The following KIDINS220 variants were observed in gnomAD, a reference collection of about 807,000 sequenced individuals.
KIDINS220 encodes the protein kinase D interacting substrate 220, also known as kinase D-interacting substrate of 220 kDa.
KIDINS220 carries 63 observed loss-of-function variants against 157.6 expected under a neutral mutation model. That is an observed-to-expected ratio of 0.40 (90% CI 0.33 to 0.49). The LOEUF (loss-of-function observed/expected upper bound fraction) is 0.49. Among genes scored for constraint, KIDINS220 ranks in the 20% least tolerant of loss-of-function variants. KIDINS220 has a pLI of 0.66. For missense variants in KIDINS220, 1,772 were observed against 2,171.2 expected (o/e 0.82, Z 3.65); for synonymous variants, 732 against 783.6 (o/e 0.93, Z 1.10).
intron 1 of KIDINS220, among the ~76,000 whole-genome samples, chr2:8,837,195 A>G (rs987341389): frequency 3.3e-5 from 5 of 151,958 alleles, no homozygotes; most frequent in African/African-American, 1.2e-4. Context: ...CTTCACCCCA[A>G]CCCACCCGAG....
At chr2:8,829,315 G>C (rs539820576) in intron 1 of KIDINS220, among the ~76,000 whole-genome samples, 14 of 152,276 alleles carry the variant, frequency 9.2e-5, no homozygotes, top group African/African-American at 3.4e-4. Context: ...TACATGTAAA[G>C]TATAAATCAG....
At chr2:8,763,195 G>A (rs75869856) in intron 22 of KIDINS220, among the ~76,000 whole-genome samples, 226 of 152,302 alleles carry the variant, frequency 1.5e-3, no homozygotes, top group African/African-American at 5.0e-3. Flanking sequence ...ACAGGCTCCT[G>A]GCCCCAAGAA....
chr2:8,778,820 G>A (rs1572619936), intron 19 of KIDINS220, 76 bp downstream of exon 19: 1 of 1,595,006 alleles, frequency 6.3e-7, no homozygotes, highest in East Asian at 2.2e-5. Context: ...TATTTTTCAA[G>A]GTAAAAAGGA....
chr2:8,763,998 C>T (rs902620564), intron 22 of KIDINS220, among the ~76,000 whole-genome samples: 3 of 152,164 alleles, frequency 2.0e-5, no homozygotes, highest in African/African-American at 7.2e-5. Flanking sequence ...AACCTAAGTA[C>T]CCACTGACTA....
intron 2 of KIDINS220, chr2:8,825,627 C>T (rs1431679581): frequency 1.3e-5 from 2 of 152,036 alleles, no homozygotes; most frequent in Non-Finnish European, 2.9e-5. Flanking sequence ...AAAACCACTC[C>T]TTATTCATCT....
At chr2:8,722,312 T>A (rs536163138), downstream of KIDINS220, 37 of 152,350 alleles carry the variant, frequency 2.4e-4, no homozygotes, top group African/African-American at 8.9e-4. Context: ...TCAGCAGAGT[T>A]AGACTGCAGA....
At chr2:8,777,955 AAAGT>A (rs1172720441) in intron 20 of KIDINS220, among the ~76,000 whole-genome samples, 1 of 152,226 alleles carries the variant, frequency 6.6e-6, no homozygotes, top group African/African-American at 2.4e-5. Flanking sequence ...ATTTTTTTAA[AAAGT>A]AAGACATCCA....
chr2:8,763,446 G>A (rs1669041010), intron 22 of KIDINS220, among the ~76,000 whole-genome samples: 1 of 152,094 alleles, frequency 6.6e-6, no homozygotes, highest in South Asian at 2.1e-4. Context: ...TCAGATTTGG[G>A]GGCATTTCAG....
In KIDINS220 at chr2:8,785,962, T is replaced by C; in HGVS notation, c.2008A>G (p.Ile670Val). ...GCCAGAAGAGTAATTCCAGATATAATGCAGCCAATGATAAAAAGGAAGATG... is the reference window on the plus strand; with the variant it reads ...GCCAGAAGAGTAATTCCAGATATAACGCAGCCAATGATAAAAAGGAAGATG... ...FVIFLFIIGCIISGITLLAIF... is the reference protein window; with the variant it reads ...FVIFLFIIGCVISGITLLAIF... The change falls in exon 17 of 30, where the codon ATT becomes GTT. Residue 670 changes from isoleucine (I) to valine (V), a missense_variant. Physicochemically the swap from Ile to Val is conservative, Grantham distance 29. Coordinates refer to ENST00000256707, the MANE Select transcript of KIDINS220 (RefSeq NM_020738.4). The C allele has an allele frequency of 6.2e-7, 1 of 1,613,238 alleles. No homozygotes were observed. Among genetic ancestry groups the C allele is most frequent in the African/African-American group, 1.3e-5 (1 of 75,014 alleles).
At chr2:8,744,401 A>AATATAT (rs1474558259) in intron 26 of KIDINS220, among the ~76,000 whole-genome samples, 5 of 7,010 alleles carry the variant, frequency 7.1e-4, no homozygotes, top group East Asian at 0.01. Flanking sequence ...ATATATATAT[A>AATATAT]ATATATATAT....
Position 8,731,994 on chromosome 2 carries a change from GA to G in KIDINS220, c.4054-13del. On this transcript the variant is annotated splice_polypyrimidine_tract_variant and intron_variant, in intron 29 of 29. Transcript: ENST00000256707. This position sits in a 1 kb window ranked among gnomAD's most constrained non-coding sequence, Gnocchi z 5.2. ...CTGCGAGTTTGTGACTGTGAAGACAGAAAAAAAATAATTTAAAAATTCAAAT... is the reference window on the plus strand; with the variant it reads ...CTGCGAGTTTGTGACTGTGAAGACAGAAAAAAATAATTTAAAAATTCAAAT... The G allele has an allele frequency of 3.3e-6, 5 of 1,503,026 alleles. No homozygotes were observed. The highest frequency in any genetic ancestry group is 2.4e-5 in the East Asian group (1 of 42,168). The allele number at this position is 1,503,026 out of a possible 1,614,324, so 93.1% of individuals were successfully genotyped here. A position where few individuals can be genotyped will look rare whatever the true frequency, so the allele number is the denominator to read the frequency against.
chr2:8,750,385 G>C (rs745959854), intron 23 of KIDINS220, 50 bp from the exon 24 acceptor site: 2 of 1,292,626 alleles, frequency 1.5e-6, no homozygotes, highest in African/African-American at 1.5e-5. Flanking sequence ...AGGACATTAG[G>C]AATCAGTCCA....
chr2:8,826,428 G>A (rs1370098607), intron 2 of KIDINS220, among the ~76,000 whole-genome samples: 1 of 152,100 alleles, frequency 6.6e-6, no homozygotes, highest in Non-Finnish European at 1.5e-5. Flanking sequence ...GGCCAACATG[G>A]AGAAACCCTG....
chr2:8,800,316 A>T, intron 9 of KIDINS220, 84 bp downstream of exon 9: 1 of 780,912 alleles, frequency 1.3e-6, no homozygotes, highest in Admixed American at 2.5e-5. Context: ...CTCCATAGGA[A>T]AGTGGGAAGA....
chr2:8,812,371 C>T (rs376635384), intron 6 of KIDINS220, 24 bp downstream of exon 6: 1 of 1,384,320 alleles, frequency 7.2e-7, no homozygotes. Flanking sequence ...TGGACTGGAA[C>T]CTGAAAAGAT....
At chr2:8,803,982 A>C (rs1675083468) in intron 7 of KIDINS220, among the ~76,000 whole-genome samples, 1 of 152,244 alleles carries the variant, frequency 6.6e-6, no homozygotes, top group Non-Finnish European at 1.5e-5. Flanking sequence ...TCAGCCCCCA[A>C]AATTGAGCTG....
chr2:8,810,835 T>A (rs977461332), intron 6 of KIDINS220, among the ~76,000 whole-genome samples: 18 of 152,258 alleles, frequency 1.2e-4, no homozygotes, highest in African/African-American at 4.3e-4. Flanking sequence ...ATTTTAGACA[T>A]ACCTCAAACC....
chr2:8,759,987 AG>A (rs971718251), intron 22 of KIDINS220, among the ~76,000 whole-genome samples: 2 of 152,220 alleles, frequency 1.3e-5, no homozygotes, highest in African/African-American at 2.4e-5. Context: ...ATAGCAGCAG[AG>A]CGGGTACCTG....
intron 15 of KIDINS220, 95 bp from the exon 16 acceptor site, chr2:8,786,452 C>CT: frequency 1.0e-6 from 1 of 978,904 alleles, no homozygotes; most frequent in Non-Finnish European, 1.5e-6. Flanking sequence ...CCTTTATTTT[C>CT]TTTTTGTCTC....
Sources: gnomAD v4.1 joint callset for allele counts (sites outside exome capture counted in the v4.1 genomes callset) on GRCh38, gnomAD v4.1.1 for gene constraint, Gnocchi (gnomAD v3.1) non-coding constraint, MANE v1.5 for transcripts, NCBI Gene and HGNC (gene_info 2026-07-23, HGNC 2026-07-21) for gene names.